RALY: variants seen among roughly 807,000 people sequenced by gnomAD.
The protein encoded by RALY is RNA-binding protein Raly.
In RALY, 15 loss-of-function variants were observed where a neutral mutation model predicts 30.7. The ratio of observed to expected loss-of-function variants is 0.49; its 90% CI spans 0.33 to 0.75. The LOEUF is 0.75. Ranked by LOEUF, RALY falls within the 30% of genes least tolerant of loss-of-function variation. The pLI is 0.02. For missense variants in RALY, 339 were observed against 414.3 expected, an observed-to-expected ratio of 0.82 and a Z score of 1.58; for synonymous variants, 177 against 170.8, an observed-to-expected ratio of 1.04 and a Z score of -0.28.
At chr20:34,078,613 CT>C in intron 9 of RALY, 60 bp downstream of exon 9, 27 of 1,445,406 alleles carry the variant, frequency 1.9e-5, no homozygotes, top group South Asian at 5.9e-5. Context: ...GAGGTTGTGC[CT>C]TTTCCCTGGA....
intron 2 of RALY, among the ~76,000 whole-genome samples, chr20:34,046,506 C>T (rs2032883806): frequency 6.6e-6 from 1 of 152,182 alleles, no homozygotes. Context: ...TCAAAGGTGC[C>T]TTCTGAATGC....
At chr20:34,006,054 CAAAA>C (rs373399850) in intron 1 of RALY, among the ~76,000 whole-genome samples, 10 of 151,964 alleles carry the variant, frequency 6.6e-5, no homozygotes, top group Admixed American at 3.3e-4. Context: ...TATAAACAAA[CAAAA>C]GAAAGATATG....
intron 2 of RALY, among the ~76,000 whole-genome samples, chr20:34,064,407 G>C (rs915897556): frequency 6.6e-6 from 1 of 152,172 alleles, no homozygotes; most frequent in Non-Finnish European, 1.5e-5. Flanking sequence ...GGGCCCATTA[G>C]ATATGGATAC....
chr20:34,032,814 C>T (rs2032336016), intron 2 of RALY, among the ~76,000 whole-genome samples: 2 of 152,132 alleles, frequency 1.3e-5, no homozygotes, highest in Non-Finnish European at 2.9e-5. Context: ...CTTCCTTGGG[C>T]TGTTAATCTC....
intron 6 of RALY, 122 bp downstream of exon 6, chr20:34,076,162 A>G (rs2033871642): frequency 8.3e-7 from 1 of 1,208,234 alleles, no homozygotes; most frequent in Non-Finnish European, 1.1e-6. Flanking sequence ...CTGCTGCTCT[A>G]ACACAGCCAA....
At chr20:34,054,825 AAAAAG>A (rs1336755640) in intron 2 of RALY, among the ~76,000 whole-genome samples, 3 of 151,908 alleles carry the variant, frequency 2.0e-5, no homozygotes. Context: ...CAAAAAAAAA[AAAAAG>A]AAAGAAAGAA....
chr20:34,029,407 C>T (rs925756950), intron 1 of RALY, among the ~76,000 whole-genome samples: 3 of 146,326 alleles, frequency 2.1e-5, no homozygotes, highest in African/African-American at 7.6e-5. Context: ...CAGGATATTC[C>T]AGCCTGGGTG....
intron 1 of RALY, among the ~76,000 whole-genome samples, chr20:34,011,359 T>A (rs901830124): frequency 1.3e-5 from 2 of 152,200 alleles, no homozygotes; most frequent in Non-Finnish European, 2.9e-5. Flanking sequence ...CTAATTTTTT[T>A]AAAAGTGAGA....
chr20:34,045,859 C>T (rs930780087), intron 2 of RALY, among the ~76,000 whole-genome samples: 2 of 152,158 alleles, frequency 1.3e-5, no homozygotes, highest in Admixed American at 6.5e-5. Flanking sequence ...AGGCTACTTA[C>T]CTAGTTAGGA....
At chr20:34,019,127 A>G (rs1178938711) in intron 1 of RALY, among the ~76,000 whole-genome samples, 3 of 152,144 alleles carry the variant, frequency 2.0e-5, no homozygotes, top group Non-Finnish European at 4.4e-5. Flanking sequence ...GTTCAAGAGC[A>G]GCCTGGCCAA....
chr20:34,015,803 T>A (rs2031584892), intron 1 of RALY, among the ~76,000 whole-genome samples: 1 of 152,058 alleles, frequency 6.6e-6, no homozygotes, highest in African/African-American at 2.4e-5. Context: ...GGCAGACACC[T>A]ACTTTTCCCC....
At chr20:34,012,065 CAAAAA>C (rs142466996) in intron 1 of RALY, among the ~76,000 whole-genome samples, 118 of 116,610 alleles carry the variant, frequency 1.0e-3, no homozygotes, top group African/African-American at 2.8e-3. Flanking sequence ...GACCCTGTCT[CAAAAA>C]AAAAAAAAAA....
chr20:34,068,287 A>G (rs1481946138), intron 2 of RALY, among the ~76,000 whole-genome samples: 1 of 152,212 alleles, frequency 6.6e-6, no homozygotes, highest in East Asian at 1.9e-4. Context: ...CTCCTGCTGA[A>G]TGGATGTCAA....
intron 2 of RALY, among the ~76,000 whole-genome samples, chr20:34,035,526 T>G (rs2032462358): frequency 6.6e-6 from 1 of 152,030 alleles, no homozygotes; most frequent in South Asian, 2.1e-4. Context: ...AAAACCAAGT[T>G]TTTTTATGAT....
intron 8 of RALY, among the ~76,000 whole-genome samples, chr20:34,077,837 C>T (rs555126374): frequency 6.6e-6 from 1 of 152,348 alleles, no homozygotes; most frequent in South Asian, 2.1e-4. Context: ...CCAGATCATA[C>T]TCTCTAACTT....
intron 2 of RALY, among the ~76,000 whole-genome samples, chr20:34,032,215 G>A (rs972884348): frequency 4.6e-5 from 7 of 152,112 alleles, no homozygotes; most frequent in African/African-American, 1.7e-4. Flanking sequence ...TGCCTGCCTC[G>A]GCCTTCCAAA....
intron 1 of RALY, among the ~76,000 whole-genome samples, chr20:34,005,203 C>A (rs544623239): frequency 6.6e-6 from 1 of 151,984 alleles, no homozygotes; most frequent in African/African-American, 2.4e-5. Flanking sequence ...GGAGACTAGT[C>A]GAGTAGTTGA....
At chr20:34,061,152 A>G (rs1430538329) in intron 2 of RALY, among the ~76,000 whole-genome samples, 1 of 152,192 alleles carries the variant, frequency 6.6e-6, no homozygotes, top group African/African-American at 2.4e-5. Flanking sequence ...CAGACTCTTC[A>G]GGAATATACC....
At chr20:34,006,493 T>G (rs1568650484) in intron 1 of RALY, among the ~76,000 whole-genome samples, 1 of 152,266 alleles carries the variant, frequency 6.6e-6, no homozygotes, top group Non-Finnish European at 1.5e-5. Context: ...AGGATTCATA[T>G]AAAGTCCACA....
Sources: gnomAD v4.1 joint callset for allele counts (sites outside exome capture counted in the v4.1 genomes callset) on GRCh38, gnomAD v4.1.1 for gene constraint, MANE v1.5 for transcripts, NCBI Gene and HGNC (gene_info 2026-07-23, HGNC 2026-07-21) for gene names.